The following ACBD6 variants were observed in gnomAD, a reference collection of about 807,000 sequenced individuals.
The protein encoded by ACBD6 is acyl-CoA binding domain containing 6.
Under a neutral mutation model 37.2 loss-of-function variants are expected in ACBD6, and 28 were observed. The ratio of observed to expected loss-of-function variants is 0.75; its 90% confidence interval spans 0.56 to 1.03. The LOEUF (loss-of-function observed/expected upper bound fraction) is 1.03. Among genes scored for constraint, ACBD6 ranks in the 50% least tolerant of loss-of-function variants. The pLI is 0.00. For synonymous variants in ACBD6, 113 were observed against 126.8 expected (o/e 0.89, Z 0.73); for missense variants, 340 against 337.4 (o/e 1.01, Z -0.06).
intron 3 of ACBD6, among the ~76,000 whole-genome samples, chr1:180,479,950 C>G (rs1161838974): frequency 1.3e-5 from 2 of 152,072 alleles, no homozygotes; most frequent in African/African-American, 4.8e-5. Flanking sequence ...GATCGCACCA[C>G]TGCACTCCAG....
In ACBD6 at chr1:180,288,354, G is replaced by A. The variant is rs375407374; in HGVS notation, c.*9C>T. ...TGCTATTACAGACTGCAGTTTTCCA[G>A]TCTTTTGATTAAGCCTTGCCAGTTG... On this transcript the variant is annotated 3_prime_UTR_variant, in exon 8 of 8. Transcript: ENST00000367595. The A allele has an allele frequency of 6.2e-7, 1 of 1,613,448 alleles. No homozygotes were observed. Among genetic ancestry groups the A allele is most frequent in the African/African-American group, 1.3e-5 (1 of 74,886 alleles).
chr1:180,419,589 T>G (rs1414133894), intron 4 of ACBD6, among the ~76,000 whole-genome samples: 1 of 152,208 alleles, frequency 6.6e-6, no homozygotes, highest in African/African-American at 2.4e-5. Context: ...AAAATCTGCA[T>G]GTAACTCGAC....
chr1:180,282,298 G>C (rs1378300403), intron 8 of ACBD6, among the ~76,000 whole-genome samples: 3 of 152,140 alleles, frequency 2.0e-5, no homozygotes, highest in African/African-American at 7.2e-5. Context: ...GCTGGGAGGG[G>C]TTGGGGATTT....
At chr1:180,389,072 T>C (rs1191955054) in intron 6 of ACBD6, among the ~76,000 whole-genome samples, 1 of 152,208 alleles carries the variant, frequency 6.6e-6, no homozygotes, top group Non-Finnish European at 1.5e-5. Flanking sequence ...GTTTCATATG[T>C]ATACATGTGC....
intron 3 of ACBD6, among the ~76,000 whole-genome samples, chr1:180,433,439 CAGT>C (rs1648887317): frequency 6.6e-6 from 1 of 152,154 alleles, no homozygotes; most frequent in African/African-American, 2.4e-5. Flanking sequence ...ACAACATACT[CAGT>C]GGTGGAAAAC....
intron 1 of ACBD6, among the ~76,000 whole-genome samples, chr1:180,501,310 A>T (rs1399561893): frequency 6.6e-6 from 1 of 151,464 alleles, no homozygotes; most frequent in Non-Finnish European, 1.5e-5. Context: ...TCACAATAAA[A>T]GTTGTAATAC....
intron 6 of ACBD6, among the ~76,000 whole-genome samples, chr1:180,348,912 G>A (rs1398980280): frequency 1.3e-5 from 2 of 151,960 alleles, no homozygotes; most frequent in Non-Finnish European, 2.9e-5. Flanking sequence ...CTTTCTTTTT[G>A]CTCTTATAAT....
chr1:180,421,148 G>C (rs537541842), intron 4 of ACBD6, among the ~76,000 whole-genome samples: 109 of 152,184 alleles, frequency 7.2e-4, no homozygotes, highest in African/African-American at 2.6e-3. Context: ...TTAGCTAGCT[G>C]TTCCACCTGA....
In ACBD6 at chr1:180,274,426, C is replaced by G. The variant is rs1457901805; in HGVS notation, c.*936+225G>C. On this transcript the variant is annotated intron_variant, in intron 10 of 13. Coordinates refer to the ACBD6 transcript ENST00000642319. ...ACACGGTGGACAGTAATTTGGGCAT[C>G]ATTGCGCATGCAGGGCAGGGAGTAA... The G allele has an allele frequency of 1.2e-6, 2 of 1,614,108 alleles. No homozygotes were observed. Among genetic ancestry groups the G allele is most frequent in the Admixed American group, 1.7e-5 (1 of 60,012 alleles).
intron 3 of ACBD6, among the ~76,000 whole-genome samples, chr1:180,458,601 A>C (rs1038133692): frequency 6.6e-6 from 1 of 152,202 alleles, no homozygotes; most frequent in African/African-American, 2.4e-5. Flanking sequence ...CCAGGGCCTA[A>C]AAAAACAAAA....
intron 7 of ACBD6, among the ~76,000 whole-genome samples, chr1:180,302,868 C>G (rs1320904803): frequency 6.8e-6 from 1 of 147,590 alleles, no homozygotes; most frequent in Non-Finnish European, 1.5e-5. Context: ...AAGCACTCCT[C>G]AGCAAATGTA....
chr1:180,304,836 T>C (rs1293805713), intron 7 of ACBD6, among the ~76,000 whole-genome samples: 1 of 151,696 alleles, frequency 6.6e-6, no homozygotes, highest in African/African-American at 2.4e-5. Context: ...GGCATCACAC[T>C]ACCTGACTTC....
intron 6 of ACBD6, among the ~76,000 whole-genome samples, chr1:180,367,200 T>C (rs575559309): frequency 4.6e-4 from 70 of 152,352 alleles, no homozygotes; most frequent in Middle Eastern, 3.4e-3. Context: ...TGTCTTTTTG[T>C]TAGCCCAGAA....
chr1:180,414,243 C>T (rs140635002), intron 4 of ACBD6, among the ~76,000 whole-genome samples: 35 of 152,286 alleles, frequency 2.3e-4, no homozygotes, highest in African/African-American at 8.4e-4. Context: ...CCATAACGAT[C>T]AGTAATTTAG....
chr1:180,488,207 T>C (rs1651351954), intron 3 of ACBD6, among the ~76,000 whole-genome samples: 1 of 151,992 alleles, frequency 6.6e-6, no homozygotes, highest in African/African-American at 2.4e-5. Context: ...CTTACAGAAG[T>C]TCCTTATATT....
chr1:180,421,562 G>C (rs990453633), intron 4 of ACBD6, among the ~76,000 whole-genome samples: 2 of 152,176 alleles, frequency 1.3e-5, no homozygotes, highest in Non-Finnish European at 1.5e-5. Context: ...TCTAGGTCTT[G>C]CAGGAATTGT....
At chr1:180,320,784 A>C (rs975286217) in intron 6 of ACBD6, among the ~76,000 whole-genome samples, 12 of 152,106 alleles carry the variant, frequency 7.9e-5, no homozygotes, top group African/African-American at 2.9e-4. Context: ...TGCTGTGCAG[A>C]AGCTTTTCAA....
chr1:180,285,903 G>A (rs1649483063), downstream of ACBD6, among the ~76,000 whole-genome samples: 1 of 151,724 alleles, frequency 6.6e-6, no homozygotes, highest in Admixed American at 6.6e-5. Flanking sequence ...TATGTGGCCA[G>A]TTGGCTGACT....
At chr1:180,362,085 T>C (rs1204628730) in intron 6 of ACBD6, among the ~76,000 whole-genome samples, 1 of 152,070 alleles carries the variant, frequency 6.6e-6, no homozygotes, top group Non-Finnish European at 1.5e-5. Context: ...TCTTTAATCA[T>C]ACTAAAATGA....
Sources: gnomAD v4.1 joint callset for allele counts (sites outside exome capture counted in the v4.1 genomes callset) on GRCh38, gnomAD v4.1.1 for gene constraint, MANE v1.5 for transcripts, NCBI Gene and HGNC (gene_info 2026-07-23, HGNC 2026-07-21) for gene names.